Variants in NALCN observed in about 807,000 individuals in gnomAD.
NALCN encodes sodium leak channel, non-selective, also known as sodium leak channel NALCN.
Under a neutral mutation model 225.3 loss-of-function variants are expected in NALCN, and 111 were observed. The observed-to-expected ratio is 0.49, with a 90% CI of 0.42 to 0.58. NALCN has a LOEUF of 0.58. Among genes scored for constraint, NALCN ranks in the 20% least tolerant of loss-of-function variants. NALCN has a pLI of 0.00. For synonymous variants in NALCN, 764 were observed against 769.0 expected, an observed-to-expected ratio of 0.99 and a Z score of 0.11; for missense variants, 1,378 against 2,202.4, an observed-to-expected ratio of 0.63 and a Z score of 7.49.
At chr13:101,320,458 T>C (rs755133081) in intron 7 of NALCN, among the ~76,000 whole-genome samples, 1 of 152,250 alleles carries the variant, frequency 6.6e-6, no homozygotes, top group Non-Finnish European at 1.5e-5. Context: ...GTTAGCTTTG[T>C]ACCTTTCAGA....
chr13:101,116,714 C>T (rs948780651), intron 18 of NALCN: 8 of 369,866 alleles, frequency 2.2e-5, no homozygotes, highest in Non-Finnish European at 3.7e-5. Context: ...TGCAGTATAA[C>T]TTTGCAGAGC....
chr13:101,113,800 T>C (rs1014255905), intron 18 of NALCN, among the ~76,000 whole-genome samples: 1 of 152,242 alleles, frequency 6.6e-6, no homozygotes, highest in Non-Finnish European at 1.5e-5. Context: ...TCCTACAGTA[T>C]GTTATTAACC....
intron 6 of NALCN, among the ~76,000 whole-genome samples, chr13:101,354,036 A>G (rs903451220): frequency 1.3e-5 from 2 of 152,190 alleles, no homozygotes; most frequent in East Asian, 3.9e-4. Context: ...GGGCATGAAC[A>G]TATTCAAAAT....
At chr13:101,075,315 T>G (rs902411020) in intron 35 of NALCN, among the ~76,000 whole-genome samples, 2 of 151,750 alleles carry the variant, frequency 1.3e-5, no homozygotes, top group African/African-American at 4.8e-5. Flanking sequence ...ATTAGCTGGG[T>G]GTGGTGGCAC....
chr13:101,389,834 A>C (rs9513886), intron 3 of NALCN, among the ~76,000 whole-genome samples: 106,160 of 152,220 alleles, frequency 0.7, 38,639 homozygotes, highest in African/African-American at 0.91. Flanking sequence ...GGAATCCCAG[A>C]ACCTTGGGAG....
chr13:101,346,593 TTAGTGA>T (rs1429433821), intron 6 of NALCN, among the ~76,000 whole-genome samples: 1 of 152,102 alleles, frequency 6.6e-6, no homozygotes, highest in East Asian at 1.9e-4. Flanking sequence ...ATGAGGTGAT[TTAGTGA>T]TAGCTCTAGG....
At chr13:101,213,928 C>A (rs2040622286) in intron 13 of NALCN, among the ~76,000 whole-genome samples, 3 of 152,124 alleles carry the variant, frequency 2.0e-5, no homozygotes, top group Admixed American at 6.5e-5. Flanking sequence ...TTTGACCCAG[C>A]CCTCCCATTA....
chr13:101,187,163 C>A (rs534721702), intron 14 of NALCN, among the ~76,000 whole-genome samples: 7 of 152,204 alleles, frequency 4.6e-5, no homozygotes, highest in Non-Finnish European at 1.0e-4. Flanking sequence ...AGAGAGAATG[C>A]GTATTCACAT....
In NALCN at chr13:101,364,178, T is replaced by C. The variant is rs542809007; in HGVS notation, c.644+12522A>G. Among the ~76,000 whole-genome samples, 5 of 152,152 alleles carry C rather than the reference T, an allele frequency of 3.3e-5. No individual in the cohort carries two copies. In the East Asian group the frequency reaches 9.7e-4, roughly 29 times the overall value. ...AAAAACAGTACGGACTGAAAAAAAC[T>C]AAACATGGAACAACTCTATGATCCA... On this transcript the variant is annotated intron_variant, in intron 6 of 43. Coordinates refer to ENST00000251127, the MANE Select transcript of NALCN (RefSeq NM_052867.4).
chr13:101,166,895 A>G (rs913355012), intron 15 of NALCN, among the ~76,000 whole-genome samples: 5 of 152,282 alleles, frequency 3.3e-5, no homozygotes, highest in South Asian at 4.1e-4. Flanking sequence ...ATTTTTATAT[A>G]TGATATAAGG....
chr13:101,211,501 T>C (rs2040521135), intron 13 of NALCN, among the ~76,000 whole-genome samples: 1 of 151,990 alleles, frequency 6.6e-6, no homozygotes, highest in African/African-American at 2.4e-5. Context: ...GATATTATTT[T>C]ATCATTTCAT....
intron 12 of NALCN, among the ~76,000 whole-genome samples, chr13:101,236,043 A>G (rs998185664): frequency 5.3e-4 from 80 of 152,218 alleles, no homozygotes; most frequent in Non-Finnish European, 1.0e-3. Flanking sequence ...AACAATATCT[A>G]TTTAGAAAAC....
intron 11 of NALCN, among the ~76,000 whole-genome samples, chr13:101,250,430 TAGACACAGA>T (rs2042027802): frequency 6.6e-6 from 1 of 152,060 alleles, no homozygotes; most frequent in African/African-American, 2.4e-5. Context: ...CTTTGATGTA[TAGACACAGA>T]CTGAGGTGTC....
chr13:101,227,932 A>G (rs1386390307), intron 13 of NALCN, among the ~76,000 whole-genome samples: 3 of 152,198 alleles, frequency 2.0e-5, no homozygotes, highest in Non-Finnish European at 4.4e-5. Context: ...TCCTTTGGCT[A>G]CATCCAGCCA....
chr13:101,084,635 C>T (rs1443209245), intron 30 of NALCN, among the ~76,000 whole-genome samples: 2 of 152,130 alleles, frequency 1.3e-5, no homozygotes, highest in African/African-American at 4.8e-5. Flanking sequence ...CTGCATTGAA[C>T]AGTATACTTT....
chr13:101,146,257 C>A (rs2037337878), intron 15 of NALCN, among the ~76,000 whole-genome samples: 1 of 152,278 alleles, frequency 6.6e-6, no homozygotes, highest in East Asian at 1.9e-4. Context: ...TGTGGGTAGC[C>A]TTTGGTTTTT....
chr13:101,359,173 A>G (rs1224552191), intron 6 of NALCN, among the ~76,000 whole-genome samples: 1 of 152,106 alleles, frequency 6.6e-6, no homozygotes, highest in Admixed American at 6.6e-5. Flanking sequence ...CTGCCCATGT[A>G]TCCCACAACT....
intron 42 of NALCN, chr13:101,058,426 GC>G: frequency 7.2e-5 from 11 of 151,800 alleles, no homozygotes; most frequent in Non-Finnish European, 1.3e-4. Context: ...CTGGGCGGGG[GC>G]AGTCTACTGT....
At chr13:101,370,456 G>C (rs2046507792) in intron 6 of NALCN, among the ~76,000 whole-genome samples, 1 of 152,208 alleles carries the variant, frequency 6.6e-6, no homozygotes, top group Non-Finnish European at 1.5e-5. Flanking sequence ...CCCATGTGAG[G>C]CGGAAGACCA....
Sources: gnomAD v4.1 joint callset for allele counts (sites outside exome capture counted in the v4.1 genomes callset) on GRCh38, gnomAD v4.1.1 for gene constraint, MANE v1.5 for transcripts, NCBI Gene and HGNC (gene_info 2026-07-23, HGNC 2026-07-21) for gene names.